The following MPPED1 variants were observed in gnomAD, a reference collection of about 807,000 sequenced individuals.
The protein encoded by MPPED1 is metallophosphoesterase domain containing 1, also known as metallophosphoesterase domain-containing protein 1.
Under a neutral mutation model 36.2 loss-of-function variants are expected in MPPED1, and 16 were observed. The ratio of observed to expected loss-of-function variants is 0.44; its 90% CI spans 0.30 to 0.67. The LOEUF (loss-of-function observed/expected upper bound fraction) is 0.67, where lower values mean the gene tolerates loss of function less well. Ranked by LOEUF, MPPED1 falls within the 30% of genes least tolerant of loss-of-function variation. MPPED1 has a pLI of 0.10. For synonymous variants in MPPED1, 199 were observed against 191.3 expected, an observed-to-expected ratio of 1.04 and a Z score of -0.33; for missense variants, 307 against 453.4, an observed-to-expected ratio of 0.68 and a Z score of 2.93.
rs5759355 is a variant in MPPED1 at position 43,474,525 on chromosome 22, C to G, written c.407-211C>G. Reference sequence around the variant, plus strand: ...AGCCATGCTGTGGCTTCTGGACAAGCTGACAGCTGTGTGCTGTGTGTCTGT... The same window carrying G: ...AGCCATGCTGTGGCTTCTGGACAAGGTGACAGCTGTGTGCTGTGTGTCTGT... On this transcript the variant is annotated intron_variant, in intron 3 of 6. Coordinates refer to ENST00000443721, the MANE Select transcript of MPPED1 (RefSeq NM_001044370.2). This position sits in a 1 kb window ranked among gnomAD's most constrained non-coding sequence, Gnocchi z 5.2. Among the ~76,000 whole-genome samples, 1 of 152,222 alleles carries G rather than the reference C, an allele frequency of 6.6e-6. No individual in the cohort carries two copies. The highest frequency in any genetic ancestry group is 2.4e-5 in the African/African-American group (1 of 41,448).
At chr22:43,481,324 T>C (rs775504962) in intron 4 of MPPED1, among the ~76,000 whole-genome samples, 3 of 152,228 alleles carry the variant, frequency 2.0e-5, no homozygotes, top group Non-Finnish European at 4.4e-5. Context: ...ACGTGGGGTC[T>C]GTGTCTGGCT....
At chr22:43,415,257 CA>C (rs1291060505) in intron 1 of MPPED1, among the ~76,000 whole-genome samples, 3 of 81,216 alleles carry the variant, frequency 3.7e-5, no homozygotes, top group East Asian at 3.8e-4. Context: ...AGGAAAGAAA[CA>C]AAAAACCCAA....
chr22:43,440,483 A>G (rs1930113111), intron 3 of MPPED1, among the ~76,000 whole-genome samples: 1 of 152,182 alleles, frequency 6.6e-6, no homozygotes, highest in African/African-American at 2.4e-5. Flanking sequence ...AGAGGCAGCC[A>G]CTGACCCCAA....
At chr22:43,466,362 G>T (rs952811448) in intron 3 of MPPED1, among the ~76,000 whole-genome samples, 1 of 152,042 alleles carries the variant, frequency 6.6e-6, no homozygotes, top group Admixed American at 6.5e-5. Context: ...CCAGACCTGG[G>T]TCCCAGTGAG....
chr22:43,475,755 G>GTGA (rs1193273915), intron 4 of MPPED1, among the ~76,000 whole-genome samples: 1 of 97,378 alleles, frequency 1.0e-5, no homozygotes, highest in African/African-American at 3.4e-5. Flanking sequence ...GGTGGTGGTG[G>GTGA]TGATGATGAT....
At chr22:43,497,872 A>G (rs1932471923) in intron 4 of MPPED1, among the ~76,000 whole-genome samples, 1 of 147,956 alleles carries the variant, frequency 6.8e-6, no homozygotes, top group Non-Finnish European at 1.5e-5. Context: ...TTCCCTGTGG[A>G]TTTTCTTAGA....
chr22:43,497,407 C>A (rs1480711893), intron 4 of MPPED1, among the ~76,000 whole-genome samples: 5 of 151,980 alleles, frequency 3.3e-5, no homozygotes, highest in African/African-American at 1.2e-4. Flanking sequence ...CCAGTTTGAT[C>A]CAGCTGTTTC....
intron 4 of MPPED1, among the ~76,000 whole-genome samples, chr22:43,493,089 C>T (rs1932153441): frequency 6.6e-6 from 1 of 152,194 alleles, no homozygotes; most frequent in Non-Finnish European, 1.5e-5. Context: ...GGCCACCCAT[C>T]CTCCTCTGTC....
chr22:43,418,455 C>T, intron 1 of MPPED1: 2 of 290,406 alleles, frequency 6.9e-6, no homozygotes, highest in South Asian at 6.3e-5. Flanking sequence ...TGCAAACATT[C>T]ATCTGCTGCT....
intron 3 of MPPED1, among the ~76,000 whole-genome samples, chr22:43,440,877 C>T (rs1930126547): frequency 6.6e-6 from 1 of 152,186 alleles, no homozygotes; most frequent in South Asian, 2.1e-4. Flanking sequence ...TGGGTTCTGC[C>T]ACAGGCTCCA....
chr22:43,425,658 G>A (rs1806942886), intron 2 of MPPED1, among the ~76,000 whole-genome samples: 2 of 152,238 alleles, frequency 1.3e-5, no homozygotes, highest in African/African-American at 4.8e-5. Flanking sequence ...TGGGGAGACC[G>A]AGCCCCAGAG....
Position 43,474,696 on chromosome 22 carries a change from C to A in MPPED1, c.407-40C>A. On this transcript the variant is annotated intron_variant, in intron 3 of 6. Coordinates refer to ENST00000443721, the MANE Select transcript of MPPED1 (RefSeq NM_001044370.2). The surrounding 1 kb of genome is among the most constrained non-coding windows in gnomAD (Gnocchi z 5.2). ...GTGCTGTGGCTTCTGGACAAGCTGA[C>A]GGCTGTGTGCTGTGTGTCTGTCTGT... 2 of 1,601,334 alleles carry A rather than the reference C, an allele frequency of 1.2e-6. No individual in the cohort carries two copies.
Position 43,505,528 on chromosome 22 carries a change from C to T in MPPED1, c.893C>T (p.Thr298Ile), listed in dbSNP as rs751843114. The change falls in exon 7 of 7, where the codon ACC becomes ATC. Residue 298 changes from threonine (T) to isoleucine (I), a missense_variant. Physicochemically the swap from Thr to Ile is moderately conservative, Grantham distance 89. Transcript: ENST00000443721. ...GYGVMADGTT[T>I]YVNASVCTVN... Reference sequence around the variant, plus strand: ...GGTGTCATGGCAGATGGGACGACCACCTATGTGAATGCGTCCGTATGCACT... The same window carrying T: ...GGTGTCATGGCAGATGGGACGACCATCTATGTGAATGCGTCCGTATGCACT... 1 of 1,612,034 alleles carries T rather than the reference C, an allele frequency of 6.2e-7. No homozygotes were observed.
At chr22:43,505,395 C>A in intron 6 of MPPED1, 103 bp from the exon 7 acceptor site, 2 of 977,972 alleles carry the variant, frequency 2.0e-6, no homozygotes, top group Non-Finnish European at 3.1e-6. Context: ...TTGCCCCAAA[C>A]ACATTCAGCC....
chr22:43,412,305 C>G (rs2146804954), intron 1 of MPPED1, 147 bp downstream of exon 1: 1 of 477,646 alleles, frequency 2.1e-6, no homozygotes, highest in Admixed American at 6.4e-5. Flanking sequence ...TTGCCGGGTG[C>G]GGGAAGCGGG....
chr22:43,435,328 T>C, intron 3 of MPPED1, 113 bp downstream of exon 3: 1 of 1,212,488 alleles, frequency 8.2e-7, no homozygotes, highest in Non-Finnish European at 1.1e-6. Context: ...GCCCCCTCCT[T>C]GGCCTGTGCC....
chr22:43,500,174 G>GGTGGTA (rs1555904904), intron 5 of MPPED1, among the ~76,000 whole-genome samples: 1 of 78,528 alleles, frequency 1.3e-5, no homozygotes, highest in Admixed American at 1.1e-4. Context: ...TGGTGATGGA[G>GGTGGTA]GTGGTGGTGA....
chr22:43,451,939 C>T (rs1460942889), intron 3 of MPPED1, among the ~76,000 whole-genome samples: 1 of 152,212 alleles, frequency 6.6e-6, no homozygotes, highest in African/African-American at 2.4e-5. Context: ...CCAATCCTGA[C>T]TGCCTAGGGA....
intron 3 of MPPED1, among the ~76,000 whole-genome samples, chr22:43,473,711 G>A (rs1331218483): frequency 1.3e-5 from 2 of 152,306 alleles, no homozygotes; most frequent in South Asian, 4.1e-4. Context: ...TGGAGTAGGG[G>A]GCAGGGGCGA....
Sources: gnomAD v4.1 joint callset for allele counts (sites outside exome capture counted in the v4.1 genomes callset) on GRCh38, gnomAD v4.1.1 for gene constraint, Gnocchi (gnomAD v3.1) non-coding constraint, MANE v1.5 for transcripts, NCBI Gene and HGNC (gene_info 2026-07-23, HGNC 2026-07-21) for gene names.